The following CEP85L variants were observed in gnomAD, a reference collection of about 807,000 sequenced individuals.
CEP85L encodes the protein centrosomal protein 85L.
In CEP85L, 60 loss-of-function variants were observed where a neutral mutation model predicts 100.3. The ratio of observed to expected loss-of-function variants is 0.60; its 90% CI spans 0.49 to 0.74. CEP85L has a LOEUF of 0.74. CEP85L is among the 30% of genes least tolerant of loss of function. The pLI, the probability that CEP85L is intolerant of heterozygous loss-of-function variation, is 0.00. For synonymous variants in CEP85L, 319 were observed against 322.7 expected, an observed-to-expected ratio of 0.99 and a Z score of 0.12; for missense variants, 973 against 936.2, an observed-to-expected ratio of 1.04 and a Z score of -0.51.
intron 1 of CEP85L, among the ~76,000 whole-genome samples, chr6:118,708,682 A>G (rs1777679164): frequency 6.6e-6 from 1 of 152,222 alleles, no homozygotes; most frequent in Non-Finnish European, 1.5e-5. Context: ...GGAACAGCAT[A>G]TAAAAAGGTT....
intron 5 of CEP85L, 67 bp downstream of exon 5, chr6:118,511,230 AC>A: frequency 2.2e-6 from 2 of 915,806 alleles, no homozygotes. Flanking sequence ...TCCTTATATT[AC>A]AAGGTAAGTA....
chr6:118,551,122 A>G (rs1778517528), intron 3 of CEP85L, among the ~76,000 whole-genome samples: 1 of 151,904 alleles, frequency 6.6e-6, no homozygotes, highest in Non-Finnish European at 1.5e-5. Flanking sequence ...CAAAAATCAC[A>G]TTTCGATACT....
intron 2 of CEP85L, among the ~76,000 whole-genome samples, chr6:118,605,794 C>T (rs189189598): frequency 1.3e-5 from 2 of 152,162 alleles, no homozygotes; most frequent in African/African-American, 4.8e-5. Flanking sequence ...GGGCAGATCA[C>T]GAGGTCAGGA....
At chr6:118,551,644 A>G (rs1778551797) in intron 3 of CEP85L, among the ~76,000 whole-genome samples, 1 of 152,060 alleles carries the variant, frequency 6.6e-6, no homozygotes, top group South Asian at 2.1e-4. Flanking sequence ...AATTCTCCTC[A>G]AGACAGAGCT....
At chr6:118,611,532 G>A (rs931161078) in intron 2 of CEP85L, among the ~76,000 whole-genome samples, 4 of 152,112 alleles carry the variant, frequency 2.6e-5, no homozygotes, top group Non-Finnish European at 5.9e-5. Flanking sequence ...AATGTAAATG[G>A]TCTAAATATA....
At chr6:118,548,976 AAGTCC>A (rs1255839665) in intron 3 of CEP85L, among the ~76,000 whole-genome samples, 1 of 152,028 alleles carries the variant, frequency 6.6e-6, no homozygotes, top group African/African-American at 2.4e-5. Flanking sequence ...TTCCCCTCTA[AAGTCC>A]AGTCAACTTT....
chr6:118,662,518 G>C (rs72958930), intron 1 of CEP85L, among the ~76,000 whole-genome samples: 55,901 of 147,522 alleles, frequency 0.38, 11,061 homozygotes, highest in Middle Eastern at 0.46. Context: ...TGACATGAGG[G>C]AAACCGCATC....
At position 118,465,126 on chromosome 6, in the gene CEP85L, TCA is replaced by T. The variant is rs955220355; in HGVS notation, c.*277_*278del. 3.0e-6 allele frequency: 1 copy of T among 328,640 alleles called. No individual in the cohort carries two copies. The highest frequency in any genetic ancestry group is 2.2e-5 in the African/African-American group (1 of 46,322). The allele number at this position is 328,640 out of a possible 1,614,324, so 20.4% of individuals were successfully genotyped here. On this transcript the variant is annotated 3_prime_UTR_variant, in exon 13 of 13. Coordinates refer to ENST00000368491, the MANE Select transcript of CEP85L (RefSeq NM_001042475.3). The stretch of plus-strand genomic sequence containing the variant: ...TACTCCTTCATGTGAAGGGTACTCT[TCA>T]CAGCTTGGTCCTACAATCAGTAGTT...
In CEP85L at chr6:118,533,308, A is replaced by G. The variant is rs140973449; in HGVS notation, c.1021-9388T>C. ...TAGATATCACTACAGACCATCAGAC[A>G]TTAAAAAGATAAGGTAATTACTAGG... is the stretch of plus-strand genomic sequence containing the variant. On this transcript the variant is annotated intron_variant, in intron 3 of 12. Transcript: ENST00000368491. Among the ~76,000 whole-genome samples, 520 of 152,310 alleles carry G rather than the reference A, an allele frequency of 3.4e-3. 2 individuals are homozygous for G. Among genetic ancestry groups the G allele is most frequent in the African/African-American group, 0.011 (456 of 41,558 alleles).
At position 118,521,360 on chromosome 6, in the gene CEP85L, A is replaced by G. The variant is rs1051151122; in HGVS notation, c.1139+2442T>C. ...ACATTTTTACTTTTAAATGACAGTT[A>G]TGCTGCTTTAGAAACAAAAGCTGCT... On this transcript the variant is annotated intron_variant, in intron 4 of 12. Coordinates refer to ENST00000368491, the MANE Select transcript of CEP85L (RefSeq NM_001042475.3). Among the ~76,000 whole-genome samples the G allele has an allele frequency of 7.9e-5, 12 of 152,356 alleles. No homozygotes were observed. The South Asian group carries it at 8.3e-4, about 11-fold the overall frequency.
At chr6:118,559,093 A>G in intron 3 of CEP85L, 1 of 1,602,166 alleles carries the variant, frequency 6.2e-7, no homozygotes, top group Non-Finnish European at 8.6e-7. Flanking sequence ...TTCTGCTACA[A>G]CCTCTAGATC....
At chr6:118,646,201 A>G (rs370629823) in intron 1 of CEP85L, among the ~76,000 whole-genome samples, 6 of 74,560 alleles carry the variant, frequency 8.0e-5, no homozygotes, top group Non-Finnish European at 1.3e-4. Flanking sequence ...TGGGCAACAG[A>G]ACAAGATTCT....
intron 10 of CEP85L, among the ~76,000 whole-genome samples, chr6:118,475,373 G>A (rs78409957): frequency 2.0e-5 from 1 of 51,100 alleles, no homozygotes; most frequent in Admixed American, 2.1e-4. Context: ...TTTTTTTTTT[G>A]AGACGAGTCT....
chr6:118,489,766 T>C (rs1362970402), intron 6 of CEP85L, among the ~76,000 whole-genome samples: 3 of 152,046 alleles, frequency 2.0e-5, no homozygotes, highest in Non-Finnish European at 4.4e-5. Flanking sequence ...TAAAACATGA[T>C]CAAGCAATCC....
In CEP85L at chr6:118,588,844, G is replaced by A. The variant is rs557916614; in HGVS notation, c.233-22528C>T. 1.6e-4 allele frequency among the ~76,000 whole-genome samples: 25 copies of A among 152,292 alleles called. No homozygotes were observed. In the South Asian group the frequency reaches 1.7e-3, roughly 10 times the overall value. ...TCCGAGGATCCTTGGATCTACCCCA[G>A]GAGGAGCCCTAGCTGCTGTTCCCCA... On this transcript the variant is annotated intron_variant, in intron 2 of 12. Coordinates refer to ENST00000368491, the MANE Select transcript of CEP85L (RefSeq NM_001042475.3).
At chr6:118,579,490 G>T (rs964920542) in intron 2 of CEP85L, among the ~76,000 whole-genome samples, 1 of 152,210 alleles carries the variant, frequency 6.6e-6, no homozygotes, top group South Asian at 2.1e-4. Flanking sequence ...TTCAACTTAA[G>T]ATTAAGTCTC....
chr6:118,502,408 G>A, intron 5 of CEP85L: 1 of 525,378 alleles, frequency 1.9e-6, no homozygotes, highest in Non-Finnish European at 3.7e-6. Context: ...ACAAAAGGAG[G>A]GGATTCCAGG....
intron 1 of CEP85L, among the ~76,000 whole-genome samples, chr6:118,667,203 C>T (rs748393780): frequency 1.3e-5 from 2 of 152,144 alleles, no homozygotes; most frequent in Non-Finnish European, 2.9e-5. Context: ...TTCTAGATTT[C>T]GTGGCCCAGT....
At chr6:118,513,280 A>G (rs1348267035) in intron 4 of CEP85L, among the ~76,000 whole-genome samples, 1 of 152,128 alleles carries the variant, frequency 6.6e-6, no homozygotes, top group East Asian at 1.9e-4. Flanking sequence ...AGTAGGGGAC[A>G]GAAAAAAAAT....
Sources: gnomAD v4.1 joint callset for allele counts (sites outside exome capture counted in the v4.1 genomes callset) on GRCh38, gnomAD v4.1.1 for gene constraint, MANE v1.5 for transcripts, NCBI Gene and HGNC (gene_info 2026-07-23, HGNC 2026-07-21) for gene names.